The following ITPK1 variants were observed in gnomAD, a reference collection of about 807,000 sequenced individuals.
ITPK1 encodes inositol-tetrakisphosphate 1-kinase.
In ITPK1, 21 loss-of-function variants were observed where a neutral mutation model predicts 45.3. The observed-to-expected ratio is 0.46, with a 90% CI of 0.33 to 0.67. The LOEUF (loss-of-function observed/expected upper bound fraction) is 0.67, where lower values mean the gene tolerates loss of function less well. ITPK1 is among the 30% of genes least tolerant of loss of function. The pLI, the probability that ITPK1 is intolerant of heterozygous loss-of-function variation, is 0.02. For synonymous variants in ITPK1, 258 were observed against 253.6 expected (o/e 1.02, Z -0.16); for missense variants, 474 against 573.5 (o/e 0.83, Z 1.77).
At chr14:92,995,615 C>T (rs566410381) in intron 4 of ITPK1, among the ~76,000 whole-genome samples, 1 of 152,308 alleles carries the variant, frequency 6.6e-6, no homozygotes, top group South Asian at 2.1e-4. Flanking sequence ...GCCTCGCATT[C>T]CAGTCCTCAC....
intron 3 of ITPK1, among the ~76,000 whole-genome samples, chr14:93,040,499 C>T (rs1159221004): frequency 6.6e-6 from 1 of 152,188 alleles, no homozygotes; most frequent in Non-Finnish European, 1.5e-5. Flanking sequence ...CCCTGCCACA[C>T]CGCTTGGCCC....
intron 3 of ITPK1, among the ~76,000 whole-genome samples, chr14:93,055,267 C>G (rs1890175319): frequency 1.3e-5 from 2 of 152,210 alleles, no homozygotes; most frequent in South Asian, 4.1e-4. Flanking sequence ...CTGCTGGGAA[C>G]ATTCATTCTA....
intron 8 of ITPK1, among the ~76,000 whole-genome samples, chr14:92,952,512 G>A (rs1439270659): frequency 8.2e-6 from 1 of 122,300 alleles, no homozygotes; most frequent in Non-Finnish European, 1.9e-5. Flanking sequence ...AAATACAAAG[G>A]GTTCTGGTGG....
At chr14:92,983,699 G>A (rs1886336288) in intron 5 of ITPK1, among the ~76,000 whole-genome samples, 1 of 152,132 alleles carries the variant, frequency 6.6e-6, no homozygotes, top group Non-Finnish European at 1.5e-5. Context: ...CTTTTTGAAG[G>A]GCAATCCAGT....
At chr14:93,054,338 A>G (rs1179263961) in intron 3 of ITPK1, among the ~76,000 whole-genome samples, 1 of 152,228 alleles carries the variant, frequency 6.6e-6, no homozygotes, top group Non-Finnish European at 1.5e-5. Flanking sequence ...TGTCTGCTGC[A>G]TGGAAAACAG....
chr14:93,027,843 G>A (rs1350099398), intron 3 of ITPK1, among the ~76,000 whole-genome samples: 2 of 152,158 alleles, frequency 1.3e-5, no homozygotes, highest in Non-Finnish European at 2.9e-5. Flanking sequence ...TGAGCACAAG[G>A]GGCTCACTGA....
intron 7 of ITPK1, among the ~76,000 whole-genome samples, chr14:92,959,409 G>A (rs1378772232): frequency 1.3e-5 from 2 of 152,232 alleles, no homozygotes; most frequent in African/African-American, 2.4e-5. Flanking sequence ...CCGGCCCTAC[G>A]TGCCTGGAGC....
At chr14:92,984,741 G>A (rs1886411845) in intron 5 of ITPK1, among the ~76,000 whole-genome samples, 1 of 152,196 alleles carries the variant, frequency 6.6e-6, no homozygotes, top group Non-Finnish European at 1.5e-5. Context: ...CCCTGTGGAT[G>A]TCTGCAAAGC....
Position 92,939,935 on chromosome 14 carries a change from G to A in ITPK1, c.*1626C>T. 14 of 985,880 alleles carry A rather than the reference G, an allele frequency of 1.4e-5. No individual in the cohort carries two copies. Among genetic ancestry groups the A allele is most frequent in the Non-Finnish European group, 1.7e-5 (14 of 829,950 alleles). 61.1% of individuals were successfully genotyped at this position (985,880 alleles called of 1,614,324 possible). ...GCCAGCCACGCTTTCCTGTTCCCCA[G>A]GGCTCAGGGTCAGAACTAGGAAAGG... is the stretch of plus-strand genomic sequence containing the variant. On this transcript the variant is annotated 3_prime_UTR_variant, in exon 11 of 11. Coordinates refer to ENST00000267615, the MANE Select transcript of ITPK1 (RefSeq NM_014216.6).
At chr14:93,050,560 G>C (rs1889962679) in intron 3 of ITPK1, among the ~76,000 whole-genome samples, 1 of 152,098 alleles carries the variant, frequency 6.6e-6, no homozygotes, top group Non-Finnish European at 1.5e-5. Flanking sequence ...GCTTTTGAAG[G>C]CATCGATGCA....
chr14:93,003,399 G>T (rs1376618675), intron 4 of ITPK1, among the ~76,000 whole-genome samples: 2 of 152,250 alleles, frequency 1.3e-5, no homozygotes, highest in East Asian at 3.9e-4. Context: ...AGTCTTCCTG[G>T]CACCTCCCAG....
At chr14:93,107,890 C>T (rs928642652) in intron 2 of ITPK1, among the ~76,000 whole-genome samples, 3 of 152,216 alleles carry the variant, frequency 2.0e-5, no homozygotes, top group South Asian at 2.1e-4. Flanking sequence ...AGCAGCAAGA[C>T]GAAGCCCCAG....
chr14:93,041,885 C>T (rs1042664872), intron 3 of ITPK1, among the ~76,000 whole-genome samples: 2 of 152,156 alleles, frequency 1.3e-5, no homozygotes, highest in Admixed American at 1.3e-4. Flanking sequence ...GCTAGGAACT[C>T]CCAAAACACA....
chr14:93,099,611 G>C (rs147440134), intron 2 of ITPK1, among the ~76,000 whole-genome samples: 1 of 152,122 alleles, frequency 6.6e-6, no homozygotes, highest in Non-Finnish European at 1.5e-5. Flanking sequence ...TGCCTGTGTC[G>C]GGCTGGCCGT....
intron 5 of ITPK1, among the ~76,000 whole-genome samples, chr14:92,978,263 G>A (rs1424725838): frequency 6.6e-6 from 1 of 151,928 alleles, no homozygotes; most frequent in Non-Finnish European, 1.5e-5. Flanking sequence ...CATTCAAGAC[G>A]TGGACTGGCT....
chr14:93,059,482 GGGTGCGGGTCTCAAGGTGGGCGCA>G (rs1281905898), intron 3 of ITPK1, among the ~76,000 whole-genome samples: 3 of 109,498 alleles, frequency 2.7e-5, no homozygotes, highest in Non-Finnish European at 5.7e-5. Flanking sequence ...GGGGTGGAGG[GGGTGCGGGTCTCAAGGTGGGCGCA>G]GGTGCTGGTC....
rs1288654603 is a variant in ITPK1, at chr14:93,076,584, T to C, written c.120+11A>G. 6.2e-7 allele frequency: 1 copy of C among 1,613,966 alleles called. No homozygotes were observed. The highest frequency in any genetic ancestry group is 1.3e-5 in the African/African-American group (1 of 74,988). On this transcript the variant is annotated intron_variant, in intron 3 of 10. Transcript: ENST00000267615. This position sits in a 1 kb window ranked among gnomAD's most constrained non-coding sequence, Gnocchi z 4.3. Reference sequence around the variant, plus strand: ...TACCCAAAGAACCACGGGGACGCGGTCTGTACTCACCTGCACAACCTCCAT... The same window carrying C: ...TACCCAAAGAACCACGGGGACGCGGCCTGTACTCACCTGCACAACCTCCAT...
chr14:93,100,682 T>G (rs1483802520), intron 2 of ITPK1, among the ~76,000 whole-genome samples: 1 of 152,020 alleles, frequency 6.6e-6, no homozygotes, highest in Admixed American at 6.5e-5. Flanking sequence ...TCCCCTTTAT[T>G]ACCGAACCCG....
At chr14:93,114,830 C>T (rs1043570474) in intron 2 of ITPK1, among the ~76,000 whole-genome samples, 10 of 152,172 alleles carry the variant, frequency 6.6e-5, no homozygotes, top group Admixed American at 4.6e-4. Context: ...AGCCGGGTCA[C>T]AGTGCACCTG....
Sources: allele counts gnomAD v4.1 joint callset (sites outside exome capture counted in the v4.1 genomes callset), GRCh38; gene constraint gnomAD v4.1.1; non-coding constraint Gnocchi (gnomAD v3.1); transcripts MANE v1.5; gene names NCBI Gene and HGNC (gene_info 2026-07-23, HGNC 2026-07-21).